AFF1: variants seen among roughly 807,000 people sequenced by gnomAD.
The protein encoded by AFF1 is AF4/FMR2 family member 1.
In AFF1, 48 loss-of-function variants were observed where a neutral mutation model predicts 121.7. That is an observed-to-expected ratio of 0.39 (90% CI 0.31 to 0.50). AFF1 has a LOEUF of 0.50. Ranked by LOEUF, AFF1 falls within the 20% of genes least tolerant of loss-of-function variation. The pLI is 0.76. For synonymous variants in AFF1, 613 were observed against 563.0 expected, an observed-to-expected ratio of 1.09 and a Z score of -1.26; for missense variants, 1,523 against 1,511.7, an observed-to-expected ratio of 1.01 and a Z score of -0.12.
chr4:87,064,878 GAAA>G (rs397932923), intron 4 of AFF1, among the ~76,000 whole-genome samples: 9,544 of 139,040 alleles, frequency 0.069, 1,059 homozygotes, highest in African/African-American at 0.24. Context: ...CGTCTCAAAA[GAAA>G]AAAAAAAAAA....
At chr4:87,086,124 T>TA (rs1210604271) in intron 5 of AFF1, among the ~76,000 whole-genome samples, 1 of 152,234 alleles carries the variant, frequency 6.6e-6, no homozygotes, top group Non-Finnish European at 1.5e-5. Context: ...TTACATTTTT[T>TA]ATCATCCTTT....
chr4:87,089,707 G>A (rs1435834871), intron 5 of AFF1, among the ~76,000 whole-genome samples: 1 of 152,204 alleles, frequency 6.6e-6, no homozygotes, highest in East Asian at 1.9e-4. Flanking sequence ...TACAGTTTAT[G>A]TGCTTGATAA....
intron 2 of AFF1, among the ~76,000 whole-genome samples, chr4:86,958,739 A>G (rs1286391976): frequency 6.6e-6 from 1 of 152,136 alleles, no homozygotes; most frequent in African/African-American, 2.4e-5. Context: ...AAAATAAATA[A>G]TAAATAATAA....
At chr4:87,113,350 C>T (rs1398962818) in intron 11 of AFF1, among the ~76,000 whole-genome samples, 2 of 152,018 alleles carry the variant, frequency 1.3e-5, no homozygotes, top group African/African-American at 2.4e-5. Context: ...CATGGCTCAC[C>T]GCAGCCTCAA....
chr4:87,090,912 G>T (rs965313140), intron 6 of AFF1, among the ~76,000 whole-genome samples: 1 of 151,132 alleles, frequency 6.6e-6, no homozygotes, highest in African/African-American at 2.4e-5. Flanking sequence ...CTACTTGGGA[G>T]GCTGAGGTGG....
At chr4:86,968,482 C>T (rs1410806591) in intron 2 of AFF1, among the ~76,000 whole-genome samples, 1 of 152,124 alleles carries the variant, frequency 6.6e-6, no homozygotes, top group East Asian at 1.9e-4. Flanking sequence ...TTTCAGTATT[C>T]ACAATGGCAG....
At chr4:86,951,403 C>T (rs536845191) in intron 2 of AFF1, among the ~76,000 whole-genome samples, 49 of 151,750 alleles carry the variant, frequency 3.2e-4, no homozygotes, top group African/African-American at 1.1e-3. Context: ...AAAGCACTGA[C>T]GCTTTTCAAT....
At chr4:87,025,772 T>C (rs1297294925) in intron 2 of AFF1, among the ~76,000 whole-genome samples, 2 of 152,176 alleles carry the variant, frequency 1.3e-5, no homozygotes, top group East Asian at 3.8e-4. Context: ...TGGAGAACTC[T>C]CGCTCTGCAG....
At chr4:87,021,661 TA>T (rs1727910551) in intron 2 of AFF1, among the ~76,000 whole-genome samples, 1 of 152,256 alleles carries the variant, frequency 6.6e-6, no homozygotes, top group African/African-American at 2.4e-5. Context: ...AAGTTAATTG[TA>T]ATTAAAAGAG....
At chr4:87,007,497 G>A in intron 2 of AFF1, 1 of 1,596,462 alleles carries the variant, frequency 6.3e-7, no homozygotes, top group Non-Finnish European at 8.6e-7. Flanking sequence ...GGGGAGGGCA[G>A]GGTGCGGGGA....
At chr4:87,069,480 T>A (rs1214676361) in intron 4 of AFF1, among the ~76,000 whole-genome samples, 2 of 146,838 alleles carry the variant, frequency 1.4e-5, no homozygotes, top group Non-Finnish European at 3.0e-5. Context: ...TCTCTCTTCC[T>A]TGCTTTCTCT....
intron 4 of AFF1, 182 bp downstream of exon 4, chr4:87,047,776 A>T (rs923392644): frequency 4.9e-6 from 4 of 817,620 alleles, no homozygotes; most frequent in Non-Finnish European, 8.3e-6. Flanking sequence ...TGGACGACTG[A>T]TTATAGATAT....
intron 4 of AFF1, among the ~76,000 whole-genome samples, chr4:87,053,758 A>T (rs1731489811): frequency 6.6e-6 from 1 of 152,246 alleles, no homozygotes; most frequent in Admixed American, 6.5e-5. Context: ...TTGGATCTTA[A>T]CTGTCCTATT....
intron 2 of AFF1, among the ~76,000 whole-genome samples, chr4:86,953,200 A>G (rs1721497622): frequency 6.6e-6 from 1 of 151,958 alleles, no homozygotes; most frequent in African/African-American, 2.4e-5. Context: ...TGCTCCTTTT[A>G]GTTTTAGTAC....
intron 16 of AFF1, 68 bp downstream of exon 16, chr4:87,127,771 C>A (rs1728435183): frequency 2.7e-6 from 4 of 1,487,358 alleles, no homozygotes; most frequent in Non-Finnish European, 3.7e-6. Flanking sequence ...TTGGTAGTCT[C>A]CATTCTGCTG....
chr4:86,948,645 G>A, intron 2 of AFF1, 74 bp downstream of exon 2: 1 of 1,436,170 alleles, frequency 7.0e-7, no homozygotes, highest in East Asian at 2.5e-5. Flanking sequence ...GAATAAGTTT[G>A]GTCTTTTTCA....
At chr4:86,984,177 A>G (rs1158007942) in intron 2 of AFF1, among the ~76,000 whole-genome samples, 1 of 152,204 alleles carries the variant, frequency 6.6e-6, no homozygotes, top group African/African-American at 2.4e-5. Flanking sequence ...AAATTTGTAA[A>G]TGCTGTGGAC....
chr4:87,011,764 G>A (rs1172743590), intron 2 of AFF1, among the ~76,000 whole-genome samples: 1 of 152,172 alleles, frequency 6.6e-6, no homozygotes, highest in East Asian at 1.9e-4. Context: ...AGTTCATCCT[G>A]AGAGCCCAGT....
chr4:87,133,945 T>C (rs1256798544), intron 19 of AFF1, among the ~76,000 whole-genome samples: 4 of 152,220 alleles, frequency 2.6e-5, no homozygotes, highest in Non-Finnish European at 4.4e-5. Flanking sequence ...TTCTAGCACC[T>C]ATTGTGCTAA....
Sources: allele counts gnomAD v4.1 joint callset (sites outside exome capture counted in the v4.1 genomes callset), GRCh38; gene constraint gnomAD v4.1.1; transcripts MANE v1.5; gene names NCBI Gene and HGNC (gene_info 2026-07-23, HGNC 2026-07-21).